CCSER2: variants seen among roughly 807,000 people sequenced by gnomAD.
The protein encoded by CCSER2 is serine-rich coiled-coil domain-containing protein 2.
Under a neutral mutation model 92.3 loss-of-function variants are expected in CCSER2, and 46 were observed. The ratio of observed to expected loss-of-function variants is 0.50; its 90% CI spans 0.39 to 0.64. The LOEUF (loss-of-function observed/expected upper bound fraction) is 0.64, where lower values mean the gene tolerates loss of function less well. Ranked by LOEUF, CCSER2 falls within the 30% of genes least tolerant of loss-of-function variation. CCSER2 has a pLI of 0.00. For missense variants in CCSER2, 1,244 were observed against 1,238.9 expected (o/e 1.00, Z -0.06); for synonymous variants, 433 against 431.4 (o/e 1.00, Z -0.04).
At chr10:84,431,952 A>G (rs968107854) in intron 5 of CCSER2, among the ~76,000 whole-genome samples, 1 of 152,174 alleles carries the variant, frequency 6.6e-6, no homozygotes, top group Non-Finnish European at 1.5e-5. Flanking sequence ...TATGGGAAGC[A>G]TATGTTTAAT....
At chr10:84,434,730 C>T (rs1564659061) in intron 5 of CCSER2, among the ~76,000 whole-genome samples, 2 of 152,016 alleles carry the variant, frequency 1.3e-5, no homozygotes, top group African/African-American at 2.4e-5. Context: ...AGCACTTTAA[C>T]ATATATTACC....
At chr10:84,391,629 A>G in intron 3 of CCSER2, 1 of 1,533,812 alleles carries the variant, frequency 6.5e-7, no homozygotes, top group Non-Finnish European at 9.0e-7. Flanking sequence ...ATGGTGTTGC[A>G]CTAGCTTGTA....
At chr10:84,353,026 A>C (rs1417841417) in intron 1 of CCSER2, among the ~76,000 whole-genome samples, 1 of 152,172 alleles carries the variant, frequency 6.6e-6, no homozygotes, top group Non-Finnish European at 1.5e-5. Context: ...TCCTGACCTC[A>C]GGTGATCCAC....
intron 3 of CCSER2, chr10:84,389,443 C>T (rs1183059000): frequency 2.3e-6 from 1 of 438,226 alleles, no homozygotes; most frequent in Non-Finnish European, 4.5e-6. Context: ...GAGAAGGTAC[C>T]ACGTCAATCT....
intron 5 of CCSER2, among the ~76,000 whole-genome samples, chr10:84,436,538 G>A (rs950668700): frequency 2.0e-5 from 3 of 150,232 alleles, no homozygotes; most frequent in Non-Finnish European, 4.4e-5. Flanking sequence ...GGGAGACTGA[G>A]GCAGAGGAAT....
At chr10:84,458,103 G>T (rs926471316) in intron 6 of CCSER2, among the ~76,000 whole-genome samples, 11 of 151,876 alleles carry the variant, frequency 7.2e-5, no homozygotes, top group Admixed American at 7.2e-4. Flanking sequence ...TCATGTTTTG[G>T]TCTAAGAAAT....
At chr10:84,390,935 T>C in intron 3 of CCSER2, 1 of 756,168 alleles carries the variant, frequency 1.3e-6, no homozygotes, top group South Asian at 1.3e-5. Context: ...ACAGCACCTG[T>C]TACTCACTTT....
chr10:84,475,956 C>T (rs1007468902), intron 8 of CCSER2, among the ~76,000 whole-genome samples: 33 of 152,078 alleles, frequency 2.2e-4, no homozygotes, highest in Admixed American at 6.6e-4. Context: ...CTCAACCTCC[C>T]GGGTAGCTGG....
chr10:84,499,740 A>T (rs1221183991), intron 9 of CCSER2: 13 of 713,928 alleles, frequency 1.8e-5, no homozygotes, highest in Admixed American at 3.2e-5. Context: ...CCTGTATTTT[A>T]AAAAAATGAA....
intron 5 of CCSER2, among the ~76,000 whole-genome samples, chr10:84,431,930 A>G (rs1484056864): frequency 6.6e-6 from 1 of 152,166 alleles, no homozygotes; most frequent in Non-Finnish European, 1.5e-5. Context: ...AAGGAGCACT[A>G]TTGCTGGGTC....
intron 3 of CCSER2, among the ~76,000 whole-genome samples, chr10:84,399,394 G>A (rs1171524239): frequency 6.6e-6 from 1 of 151,998 alleles, no homozygotes; most frequent in African/African-American, 2.4e-5. Flanking sequence ...AATATTCCAT[G>A]GTGTATGTGT....
chr10:84,409,004 T>G (rs1842511094), intron 3 of CCSER2, among the ~76,000 whole-genome samples: 1 of 152,172 alleles, frequency 6.6e-6, no homozygotes, highest in South Asian at 2.1e-4. Context: ...TTATTTATAT[T>G]TTTTGAGACA....
At position 84,462,206 on chromosome 10, in the gene CCSER2, T is replaced by C. The variant is rs143896513; in HGVS notation, c.2065-1727T>C. Among the ~76,000 whole-genome samples, 32 of 152,304 alleles carry C rather than the reference T, an allele frequency of 2.1e-4. No homozygotes were observed. The East Asian group carries it at 6.2e-3, about 29-fold the overall frequency. ...AGCTTTATGGAGCTACTTTACTCAG[T>C]TCCTGGTATTTTGTGACCTCTGGTA... On this transcript the variant is annotated intron_variant, in intron 6 of 9. Transcript: ENST00000372088.
rs759203869 is a variant in CCSER2 at position 84,425,834 on chromosome 10, G to A, written c.1809G>A (p.Glu603=). 3.1e-6 allele frequency: 5 copies of A among 1,612,976 alleles called. 1 individual carries two copies. The highest frequency in any genetic ancestry group is 4.5e-5 in the East Asian group (2 of 44,862). ...CACCCCAGAGGTGGAGTGGACAGGA[G>A]CATTACCACCTCAGCCACCCTGACC... ...KRPPQRWSGQ[E]HYHLSHPDHY... is the part of the protein sequence containing the mutation. The change falls in exon 5 of 10, where the codon GAG becomes GAA. Residue 603 remains glutamate (E), a synonymous_variant. Coordinates refer to ENST00000372088, the MANE Select transcript of CCSER2 (RefSeq NM_001284240.2).
chr10:84,501,286 A>G (rs1246029543), intron 9 of CCSER2, among the ~76,000 whole-genome samples: 3 of 152,208 alleles, frequency 2.0e-5, no homozygotes, highest in Non-Finnish European at 4.4e-5. Flanking sequence ...TTCAAAGGGC[A>G]GATACAACAA....
intron 3 of CCSER2, among the ~76,000 whole-genome samples, chr10:84,385,991 A>G (rs1841183330): frequency 6.6e-6 from 1 of 152,258 alleles, no homozygotes; most frequent in South Asian, 2.1e-4. Context: ...ACTCAACATC[A>G]GTAATCATTA....
At chr10:84,501,836 T>A (rs11201074) in intron 9 of CCSER2, among the ~76,000 whole-genome samples, 10,292 of 37,526 alleles carry the variant, frequency 0.27, 1,975 homozygotes, top group African/African-American at 0.37. Flanking sequence ...AAAAAAAAAA[T>A]ATATATATAT....
rs145194883 is a variant in CCSER2, at chr10:84,442,142, C to T, written c.2064+3435C>T. Among the ~76,000 whole-genome samples, 680 of 152,038 alleles carry T rather than the reference C, an allele frequency of 4.5e-3. 8 individuals are homozygous for T. The highest frequency in any genetic ancestry group is 0.016 in the African/African-American group (651 of 41,442). On this transcript the variant is annotated intron_variant, in intron 6 of 9. Coordinates refer to ENST00000372088, the MANE Select transcript of CCSER2 (RefSeq NM_001284240.2). ...TAAATGTATGTTTTTCTCTTTCTGG[C>T]AAAATGGGTGATAATGAGAACAAGA...
chr10:84,351,764 A>C (rs902486275), intron 1 of CCSER2, among the ~76,000 whole-genome samples: 1 of 152,214 alleles, frequency 6.6e-6, no homozygotes, highest in Non-Finnish European at 1.5e-5. Flanking sequence ...GAATTAAGTG[A>C]GATTTCAGTA....
Sources: allele counts gnomAD v4.1 joint callset (sites outside exome capture counted in the v4.1 genomes callset), GRCh38; gene constraint gnomAD v4.1.1; transcripts MANE v1.5; gene names NCBI Gene and HGNC (gene_info 2026-07-23, HGNC 2026-07-21).